Variants in PTK2B observed in about 807,000 individuals in gnomAD.
PTK2B encodes protein tyrosine kinase 2 beta.
A neutral mutation model predicts 142.9 loss-of-function variants in PTK2B; 71 were observed. The ratio of observed to expected loss-of-function variants is 0.50; its 90% CI spans 0.41 to 0.61. The LOEUF is 0.61. Ranked by LOEUF, PTK2B falls within the 20% of genes least tolerant of loss-of-function variation. The pLI, the probability that PTK2B is intolerant of heterozygous loss-of-function variation, is 0.00. For synonymous variants in PTK2B, 519 were observed against 503.4 expected, an observed-to-expected ratio of 1.03 and a Z score of -0.42; for missense variants, 1,105 against 1,320.4, an observed-to-expected ratio of 0.84 and a Z score of 2.53.
rs569857618 is a variant in PTK2B at position 27,335,365 on chromosome 8, G to T, written c.-38+9684G>T. Among the ~76,000 whole-genome samples the T allele has an allele frequency of 2.6e-5, 4 of 152,274 alleles. No homozygotes were observed. In the East Asian group the frequency reaches 7.7e-4, roughly 29 times the overall value. ...CCCAGCACTCTGGGAGGCCAAGGCG[G>T]GCAGATCACCTGAAGTTGGGAGTTT... On this transcript the variant is annotated intron_variant, in intron 1 of 30. Transcript: ENST00000346049.
rs541866841 is a variant in PTK2B, at chr8:27,395,893, C to T, written c.-37-1655C>T. Among the ~76,000 whole-genome samples the T allele has an allele frequency of 2.0e-5, 3 of 152,304 alleles. No individual in the cohort carries two copies. The South Asian group carries it at 6.2e-4, about 32-fold the overall frequency. On this transcript the variant is annotated intron_variant, in intron 1 of 30. Transcript: ENST00000346049. ...GGTCAGGGGATCCGGGTTACATCTTCACTACATAGCAGAGTATTGACACAC... is the reference window on the plus strand; with the variant it reads ...GGTCAGGGGATCCGGGTTACATCTTTACTACATAGCAGAGTATTGACACAC...
chr8:27,376,197 G>A (rs1331920846), intron 1 of PTK2B, among the ~76,000 whole-genome samples: 1 of 152,252 alleles, frequency 6.6e-6, no homozygotes, highest in Non-Finnish European at 1.5e-5. Flanking sequence ...ACAGGGAGCT[G>A]TAGAGTGGGT....
chr8:27,374,565 G>T (rs2130984948), intron 1 of PTK2B, among the ~76,000 whole-genome samples: 1 of 152,332 alleles, frequency 6.6e-6, no homozygotes, highest in South Asian at 2.1e-4. Context: ...ATTTCAGCAG[G>T]CTCTGGGCTC....
upstream of PTK2B, among the ~76,000 whole-genome samples, chr8:27,324,953 T>C (rs1803326106): frequency 6.6e-6 from 1 of 152,174 alleles, no homozygotes; most frequent in African/African-American, 2.4e-5. Context: ...CTGTCCAGCA[T>C]CTCTAACTAT....
intron 30 of PTK2B, among the ~76,000 whole-genome samples, chr8:27,456,266 C>A (rs1812134276): frequency 6.6e-6 from 1 of 152,210 alleles, no homozygotes; most frequent in Non-Finnish European, 1.5e-5. Context: ...CTACAATGAG[C>A]AAGCCTATTG....
At chr8:27,370,250 A>G (rs554291284) in intron 1 of PTK2B, among the ~76,000 whole-genome samples, 8 of 152,228 alleles carry the variant, frequency 5.3e-5, no homozygotes, top group Non-Finnish European at 1.2e-4. Flanking sequence ...GACAAAGCAG[A>G]TGTGCACTAC....
chr8:27,342,077 C>T (rs150161332), intron 1 of PTK2B, among the ~76,000 whole-genome samples: 347 of 152,250 alleles, frequency 2.3e-3, no homozygotes, highest in Non-Finnish European at 3.8e-3. Flanking sequence ...GTGATGTGGA[C>T]GCTGCTGGCC....
At chr8:27,314,889 T>G (rs1470168073) in intron 3 of PTK2B, among the ~76,000 whole-genome samples, 1 of 152,168 alleles carries the variant, frequency 6.6e-6, no homozygotes, top group African/African-American at 2.4e-5. Context: ...GAGTCGAGAT[T>G]GTGCCAGTGC....
intron 1 of PTK2B, among the ~76,000 whole-genome samples, chr8:27,341,144 T>A (rs559420845): frequency 6.6e-6 from 1 of 152,306 alleles, no homozygotes; most frequent in East Asian, 1.9e-4. Flanking sequence ...CATCCTCATG[T>A]TCTACCTCCC....
intron 2 of PTK2B, among the ~76,000 whole-genome samples, chr8:27,414,703 GA>G (rs1297690209): frequency 2.0e-5 from 3 of 147,880 alleles, no homozygotes; most frequent in African/African-American, 7.5e-5. Flanking sequence ...CAAAAATGAT[GA>G]GATAGGTTGG....
At chr8:27,454,747 C>T in intron 30 of PTK2B, 136 bp downstream of exon 30, 1 of 887,720 alleles carries the variant, frequency 1.1e-6, no homozygotes, top group South Asian at 1.5e-5. Context: ...TTCTATGTGG[C>T]TTATCCATCA....
intron 1 of PTK2B, among the ~76,000 whole-genome samples, chr8:27,366,423 G>A (rs1002227002): frequency 6.6e-6 from 1 of 152,220 alleles, no homozygotes; most frequent in Non-Finnish European, 1.5e-5. Context: ...CTAGATTTGG[G>A]TGCCCAGGGT....
chr8:27,454,526 C>T lies in PTK2B; in HGVS notation c.2734-5C>T. On this transcript the variant is annotated splice_region_variant and splice_polypyrimidine_tract_variant and intron_variant, in intron 29 of 30. Coordinates refer to ENST00000346049, the MANE Select transcript of PTK2B (RefSeq NM_173176.3). ...GGCGGCCATCCTGCCCCTTTCTCCC[C>T]CCAGAATGTGGGGCTGACCCTGCGG... 2 of 1,614,042 alleles carry T rather than the reference C, an allele frequency of 1.2e-6. No individual in the cohort carries two copies. The highest frequency in any genetic ancestry group is 2.2e-5 in the East Asian group (1 of 44,880).
chr8:27,330,633 G>A (rs894267552), intron 1 of PTK2B, among the ~76,000 whole-genome samples: 5 of 152,146 alleles, frequency 3.3e-5, no homozygotes, highest in Non-Finnish European at 7.3e-5. Context: ...CAAGGGGGCG[G>A]CAGAGGGGGA....
chr8:27,422,981 G>C (rs1219779515), intron 5 of PTK2B, among the ~76,000 whole-genome samples: 1 of 152,120 alleles, frequency 6.6e-6, no homozygotes, highest in Non-Finnish European at 1.5e-5. Context: ...ACTGGAAGGA[G>C]GAGAAAGATT....
chr8:27,357,460 T>G (rs1805452604), intron 1 of PTK2B, among the ~76,000 whole-genome samples: 1 of 152,170 alleles, frequency 6.6e-6, no homozygotes, highest in Non-Finnish European at 1.5e-5. Context: ...CAGAAGAGAA[T>G]GGGAAATTCA....
chr8:27,359,924 G>T (rs1381211250), intron 1 of PTK2B, among the ~76,000 whole-genome samples: 1 of 152,028 alleles, frequency 6.6e-6, no homozygotes, highest in Non-Finnish European at 1.5e-5. Flanking sequence ...TTAAACCCCC[G>T]GCCCCAGCTC....
intron 2 of PTK2B, among the ~76,000 whole-genome samples, chr8:27,401,956 T>G (rs772096889): frequency 2.0e-5 from 3 of 152,060 alleles, no homozygotes; most frequent in Non-Finnish European, 2.9e-5. Context: ...TAGTGGTGAT[T>G]GCAGCTAGCA....
chr8:27,450,926 TGCACCC>T (rs1173206982), intron 25 of PTK2B, 31 bp downstream of exon 25: 7 of 1,614,034 alleles, frequency 4.3e-6, no homozygotes, highest in Non-Finnish European at 5.9e-6. Flanking sequence ...GTCGGTGCCC[TGCACCC>T]ATCTGTGTCC....
Sources: allele counts gnomAD v4.1 joint callset (sites outside exome capture counted in the v4.1 genomes callset), GRCh38; gene constraint gnomAD v4.1.1; transcripts MANE v1.5; gene names NCBI Gene and HGNC (gene_info 2026-07-23, HGNC 2026-07-21).